The following USP3 variants were observed in gnomAD, a reference collection of about 807,000 sequenced individuals.
USP3 encodes the protein ubiquitin specific peptidase 3, also known as ubiquitin carboxyl-terminal hydrolase 3.
In USP3, 20 loss-of-function variants were observed where a neutral mutation model predicts 72.3. The ratio of observed to expected loss-of-function variants is 0.28; its 90% CI spans 0.19 to 0.40. The LOEUF (loss-of-function observed/expected upper bound fraction) is 0.40. USP3 is among the 10% of genes least tolerant of loss of function. The probability of loss-of-function intolerance (pLI) is 1.00; values close to 1 mark genes in which losing one functional copy is unlikely to be tolerated. For synonymous variants in USP3, 222 were observed against 225.3 expected (o/e 0.99, Z 0.13); for missense variants, 479 against 633.9 (o/e 0.76, Z 2.62).
intron 8 of USP3, among the ~76,000 whole-genome samples, chr15:63,566,070 A>G (rs756336240): frequency 1.2e-4 from 18 of 152,168 alleles, no homozygotes; most frequent in Non-Finnish European, 2.2e-4. Context: ...ACTCTTCAGG[A>G]AAGTCTCTTG....
At chr15:63,512,338 CTCTTCCTCCTCTTCCTCT>C (rs60592263) in intron 1 of USP3, among the ~76,000 whole-genome samples, 39,241 of 137,482 alleles carry the variant, frequency 0.29, 6,105 homozygotes, top group Middle Eastern at 0.4. Context: ...CCTCTTCCTC[CTCTTCCTCCTCTTCCTCT>C]TCTTCTTCTT....
rs1304537372 is a variant in USP3 at position 63,567,348 on chromosome 15, T to TC, written c.762-3085_762-3084insC. On this transcript the variant is annotated intron_variant, in intron 8 of 14. Coordinates refer to ENST00000380324, the MANE Select transcript of USP3 (RefSeq NM_006537.4). ...TACCACCATGCCTGGCTAATTTTTT[T>TC]TTTTTTTTTTTTTTTTGAGACGGAG... 5.6e-5 allele frequency among the ~76,000 whole-genome samples: 8 copies of TC among 143,452 alleles called. No individual in the cohort carries two copies. In the South Asian group the frequency reaches 1.8e-3, roughly 32 times the overall value. The allele number at this position is 143,452 out of a possible 152,430, so 94.1% of individuals were successfully genotyped here.
At chr15:63,560,285 G>A (rs550112746) in intron 7 of USP3, among the ~76,000 whole-genome samples, 5 of 151,860 alleles carry the variant, frequency 3.3e-5, no homozygotes, top group South Asian at 2.1e-4. Flanking sequence ...GCATGGTGGC[G>A]GGTACCTGTA....
chr15:63,553,695 G>T lies in USP3; in HGVS notation c.285-20G>T. ...TTTCCTCAAGCTCTTTACACACATT[G>T]ATTAATATTTTCCTTGCAGTTATCG... On this transcript the variant is annotated intron_variant, in intron 3 of 14. Transcript: ENST00000380324. This position sits in a 1 kb window ranked among gnomAD's most constrained non-coding sequence, Gnocchi z 4.2. The T allele has an allele frequency of 6.2e-7, 1 of 1,608,756 alleles. No individual in the cohort carries two copies. The highest frequency in any genetic ancestry group is 1.1e-5 in the South Asian group (1 of 90,398).
At chr15:63,572,696 G>A (rs189167016) in intron 9 of USP3, among the ~76,000 whole-genome samples, 1 of 152,244 alleles carries the variant, frequency 6.6e-6, no homozygotes, top group Admixed American at 6.5e-5. Context: ...TCAGTGTTTA[G>A]GAGTAATTGA....
intron 11 of USP3, among the ~76,000 whole-genome samples, chr15:63,585,783 A>C (rs2067046402): frequency 6.8e-6 from 1 of 146,312 alleles, no homozygotes; most frequent in Non-Finnish European, 1.5e-5. Context: ...TGGAGGGTAT[A>C]AAAGTCTGTG....
intron 1 of USP3, among the ~76,000 whole-genome samples, chr15:63,524,061 T>G (rs1288408688): frequency 1.3e-5 from 2 of 152,242 alleles, no homozygotes; most frequent in African/African-American, 4.8e-5. Flanking sequence ...TTAAACTTAC[T>G]TGTTACTGAG....
chr15:63,517,733 A>G (rs1034973445), intron 1 of USP3, among the ~76,000 whole-genome samples: 2 of 152,146 alleles, frequency 1.3e-5, no homozygotes, highest in Non-Finnish European at 2.9e-5. Context: ...AGTTGTCCTT[A>G]GAGTCCCTAG....
At chr15:63,577,991 AAGG>A (rs1277338624) in intron 11 of USP3, among the ~76,000 whole-genome samples, 4 of 151,844 alleles carry the variant, frequency 2.6e-5, no homozygotes, top group Admixed American at 2.6e-4. Context: ...TACTGATTAA[AAGG>A]AGAAGAAAGG....
In USP3 at chr15:63,553,867, G is replaced by A. The variant is rs2066469286; in HGVS notation, c.368+69G>A. The A allele has an allele frequency of 1.6e-6, 2 of 1,274,536 alleles. No homozygotes were observed. The highest frequency in any genetic ancestry group is 2.3e-5 in the Admixed American group (1 of 42,714). 79.0% of individuals were successfully genotyped at this position (1,274,536 alleles called of 1,614,324 possible). ...TTGAGGAGTCTTTTAGAATTTTTGA[G>A]TGGGGTTTTTGTTGATGAGTTTAAT... On this transcript the variant is annotated intron_variant, in intron 4 of 14. Transcript: ENST00000380324. The surrounding 1 kb of genome is among the most constrained non-coding windows in gnomAD (Gnocchi z 4.2).
Position 63,517,683 on chromosome 15 carries a change from A to G in USP3, c.91+12853A>G, listed in dbSNP as rs1477726038. ...CCCTCTGGGAGGTGGGCACCTGGCC[A>G]CTGATGTTCTGAGATCAGATTGCAG... On this transcript the variant is annotated intron_variant, in intron 1 of 14. Coordinates refer to ENST00000380324, the MANE Select transcript of USP3 (RefSeq NM_006537.4). 2.0e-5 allele frequency among the ~76,000 whole-genome samples: 3 copies of G among 152,132 alleles called. No individual in the cohort carries two copies. In the East Asian group the frequency reaches 5.8e-4, roughly 29 times the overall value.
intron 4 of USP3, among the ~76,000 whole-genome samples, chr15:63,555,286 G>A (rs578143488): frequency 6.6e-6 from 1 of 151,782 alleles, no homozygotes; most frequent in East Asian, 2.0e-4. Flanking sequence ...GTGGAATTTA[G>A]AAACTACGAT....
At chr15:63,560,692 G>C (rs575431389) in intron 7 of USP3, among the ~76,000 whole-genome samples, 31 of 152,006 alleles carry the variant, frequency 2.0e-4, no homozygotes, top group South Asian at 1.0e-3. Context: ...GATACGGAGA[G>C]GGGGGGAAGA....
intron 1 of USP3, among the ~76,000 whole-genome samples, chr15:63,515,273 AG>A (rs1341945896): frequency 2.6e-5 from 4 of 152,262 alleles, no homozygotes; most frequent in Non-Finnish European, 5.9e-5. Flanking sequence ...TTGTGGTAGA[AG>A]GAACCATAAC....
At chr15:63,511,240 G>A (rs1595700613) in intron 1 of USP3, among the ~76,000 whole-genome samples, 1 of 86,710 alleles carries the variant, frequency 1.2e-5, no homozygotes, top group Non-Finnish European at 2.2e-5. Context: ...CTCTAACACT[G>A]TTCAGACTTT....
At chr15:63,550,793 TATA>T (rs776201779) in intron 3 of USP3, among the ~76,000 whole-genome samples, 19 of 152,342 alleles carry the variant, frequency 1.2e-4, no homozygotes, top group Non-Finnish European at 1.5e-4. Flanking sequence ...AATTTAAAAA[TATA>T]ATTTCCTTAA....
chr15:63,518,611 A>G (rs1417599027), intron 1 of USP3, among the ~76,000 whole-genome samples: 1 of 152,228 alleles, frequency 6.6e-6, no homozygotes, highest in African/African-American at 2.4e-5. Context: ...AGAATAGTAC[A>G]TACAAAGAAC....
At chr15:63,589,120 A>T in intron 14 of USP3, 109 bp downstream of exon 14, 1 of 1,278,556 alleles carries the variant, frequency 7.8e-7, no homozygotes, top group African/African-American at 1.5e-5. Context: ...GGATTCAGAT[A>T]AAGTAGGTGA....
chr15:63,508,224 C>T (rs991972664), intron 1 of USP3, among the ~76,000 whole-genome samples: 3 of 152,128 alleles, frequency 2.0e-5, no homozygotes, highest in African/African-American at 7.2e-5. Flanking sequence ...CTTTGAGAAC[C>T]CACTTGTGTA....
Sources: allele counts gnomAD v4.1 joint callset (sites outside exome capture counted in the v4.1 genomes callset), GRCh38; gene constraint gnomAD v4.1.1; non-coding constraint Gnocchi (gnomAD v3.1); transcripts MANE v1.5; gene names NCBI Gene and HGNC (gene_info 2026-07-23, HGNC 2026-07-21).